LRRC8A: variants seen among roughly 807,000 people sequenced by gnomAD.
The protein encoded by LRRC8A is volume-regulated anion channel subunit LRRC8A.
In LRRC8A, 24 loss-of-function variants were observed where a neutral mutation model predicts 52.5. That is an observed-to-expected ratio of 0.46 (90% CI 0.33 to 0.64). The LOEUF is 0.64. LRRC8A is among the 30% of genes least tolerant of loss of function. LRRC8A has a pLI of 0.02. For synonymous variants in LRRC8A, 492 were observed against 494.2 expected, an observed-to-expected ratio of 1.00 and a Z score of 0.06; for missense variants, 677 against 1,094.7, an observed-to-expected ratio of 0.62 and a Z score of 5.38.
chr9:128,883,113 G>T (rs187225492), intron 1 of LRRC8A, among the ~76,000 whole-genome samples: 32 of 152,290 alleles, frequency 2.1e-4, no homozygotes, highest in Admixed American at 1.4e-3. Context: ...TCTGGTAGCC[G>T]CCTCCTGATG....
intron 2 of LRRC8A, among the ~76,000 whole-genome samples, chr9:128,906,498 T>G (rs1474189073): frequency 6.6e-6 from 1 of 152,032 alleles, no homozygotes; most frequent in African/African-American, 2.4e-5. Flanking sequence ...AATTTTTGTA[T>G]TTTTAGTAGA....
intron 3 of LRRC8A, among the ~76,000 whole-genome samples, chr9:128,915,863 A>G (rs1276373987): frequency 6.6e-6 from 1 of 152,176 alleles, no homozygotes; most frequent in Non-Finnish European, 1.5e-5. Context: ...GAGTGGGGAC[A>G]TGGGGGCCAT....
At chr9:128,891,527 C>T (rs1839618746) in intron 2 of LRRC8A, among the ~76,000 whole-genome samples, 1 of 152,218 alleles carries the variant, frequency 6.6e-6, no homozygotes, top group Admixed American at 6.5e-5. Flanking sequence ...CACCATTGTG[C>T]TCCAGCCTCG....
chr9:128,882,538 C>G, intron 1 of LRRC8A: 2 of 396,416 alleles, frequency 5.0e-6, no homozygotes, highest in East Asian at 3.6e-5. Context: ...CTCGGCTCCC[C>G]CATGTCCCCT....
intron 2 of LRRC8A, among the ~76,000 whole-genome samples, 164 bp downstream of exon 2, chr9:128,886,285 T>C (rs1401688066): frequency 6.6e-6 from 1 of 152,124 alleles, no homozygotes; most frequent in East Asian, 1.9e-4. Context: ...TCTTCCTCCT[T>C]CTCCCGCTGA....
At chr9:128,909,429 A>C in intron 3 of LRRC8A, 108 bp downstream of exon 3, 2 of 1,075,638 alleles carry the variant, frequency 1.9e-6, no homozygotes, top group Non-Finnish European at 1.4e-6. Flanking sequence ...GATGCCCCTG[A>C]GTGTGGAGTC....
intron 2 of LRRC8A, among the ~76,000 whole-genome samples, chr9:128,889,840 T>C (rs1184808405): frequency 2.6e-5 from 4 of 151,872 alleles, no homozygotes; most frequent in Admixed American, 6.6e-5. Context: ...TCCTGCTCTG[T>C]TGCCCAGACT....
chr9:128,903,266 C>A (rs1220226774), intron 2 of LRRC8A, among the ~76,000 whole-genome samples: 1 of 152,196 alleles, frequency 6.6e-6, no homozygotes, highest in Non-Finnish European at 1.5e-5. Flanking sequence ...TCAGCACTGG[C>A]TGTGGCCATC....
chr9:128,887,683 C>T (rs971386135), intron 2 of LRRC8A, among the ~76,000 whole-genome samples: 1 of 151,808 alleles, frequency 6.6e-6, no homozygotes, highest in Admixed American at 6.6e-5. Context: ...TCTTTGTCAC[C>T]CAGGCTGGAG....
At chr9:128,884,049 G>T (rs375525345) in intron 1 of LRRC8A, among the ~76,000 whole-genome samples, 8 of 152,056 alleles carry the variant, frequency 5.3e-5, no homozygotes, top group Admixed American at 2.0e-4. Context: ...GACTAGATGT[G>T]GTGGTTCTCC....
chr9:128,908,742 C>T lies in LRRC8A; in HGVS notation c.1578C>T (p.Asn526=). 2 of 1,613,234 alleles carry T rather than the reference C, an allele frequency of 1.2e-6. No homozygotes were observed. Among genetic ancestry groups the T allele is most frequent in the Non-Finnish European group, 1.7e-6 (2 of 1,180,044 alleles). Residue 526 remains asparagine (N), a synonymous_variant, in exon 3 of 4, where the codon AAC becomes AAT. Transcript: ENST00000372600. ...TGGAGGAGCTGCACCTGACGGGCAA[C>T]CTGAGCGCGGAGAACAACCGCTACA... is the stretch of plus-strand genomic sequence containing the variant. ...KTLEELHLTG[N]LSAENNRYIV... is the part of the protein sequence containing the mutation.
At chr9:128,895,565 G>A (rs1284222520) in intron 2 of LRRC8A, among the ~76,000 whole-genome samples, 1 of 152,204 alleles carries the variant, frequency 6.6e-6, no homozygotes, top group African/African-American at 2.4e-5. Flanking sequence ...AGATGCCCTG[G>A]CCCTGGCCAG....
At chr9:128,884,252 G>A (rs1469910681) in intron 1 of LRRC8A, among the ~76,000 whole-genome samples, 1 of 152,164 alleles carries the variant, frequency 6.6e-6, no homozygotes, top group African/African-American at 2.4e-5. Flanking sequence ...GTTCCTGACT[G>A]CCTCGTCTTA....
chr9:128,897,564 G>A (rs116779989), intron 2 of LRRC8A, among the ~76,000 whole-genome samples: 6,081 of 151,294 alleles, frequency 0.04, 138 homozygotes, highest in Middle Eastern at 0.075. Flanking sequence ...TTTTTTTTTT[G>A]AGACAGTTTT....
At chr9:128,895,988 C>T (rs1019138174) in intron 2 of LRRC8A, among the ~76,000 whole-genome samples, 1 of 152,246 alleles carries the variant, frequency 6.6e-6, no homozygotes, top group African/African-American at 2.4e-5. Flanking sequence ...CAGATACACA[C>T]ATGCACGCAC....
chr9:128,882,874 G>T (rs796458068), intron 1 of LRRC8A: 22 of 398,404 alleles, frequency 5.5e-5, no homozygotes, highest in African/African-American at 4.3e-4. Context: ...AGGGCGAGGC[G>T]AGATCCAGTG....
rs112752153 is a variant in LRRC8A at position 128,902,028 on chromosome 9, AG to A, written c.-8-5125del. ...CCCCTCCAGACAGGTTACCCTTACC[AG>A]GGGTAGGCCCAGGCACCAGCCGGGC... is the stretch of plus-strand genomic sequence containing the variant. On this transcript the variant is annotated intron_variant, in intron 2 of 3. Transcript: ENST00000372600. This position sits in a 1 kb window ranked among gnomAD's most constrained non-coding sequence, Gnocchi z 4.1. Among the ~76,000 whole-genome samples, 12,720 of 152,262 alleles carry A rather than the reference AG, an allele frequency of 0.084. 824 individuals carry two copies. The highest frequency in any genetic ancestry group is 0.18 in the African/African-American group (7,466 of 41,550).
chr9:128,904,732 C>T (rs1347222419), intron 2 of LRRC8A, among the ~76,000 whole-genome samples: 1 of 152,018 alleles, frequency 6.6e-6, no homozygotes, highest in Non-Finnish European at 1.5e-5. Context: ...TGGTGGTTCA[C>T]ACCTGTAATC....
Position 128,908,384 on chromosome 9 carries a change from T to G in LRRC8A, c.1220T>G (p.Leu407Arg), listed in dbSNP as rs1413156046. 1 of 1,613,794 alleles carries G rather than the reference T, an allele frequency of 6.2e-7. No homozygotes were observed. The highest frequency in any genetic ancestry group is 8.5e-7 in the Non-Finnish European group (1 of 1,180,018). The change falls in exon 3 of 4, where the codon CTC (leucine) becomes CGC (arginine). Residue 407 changes from leucine to arginine, a missense_variant. By Grantham distance (102) the Leu-to-Arg change is moderately radical (BLOSUM62 -2). Transcript: ENST00000372600. ...GAGAACAAGCTGCGGCAGCTGAACCTCAACAACGAGTGGACGCTGGACAAG... is the reference window on the plus strand; with the variant it reads ...GAGAACAAGCTGCGGCAGCTGAACCGCAACAACGAGTGGACGCTGGACAAG... ...VSENKLRQLNLNNEWTLDKLR... is the reference protein window; with the variant it reads ...VSENKLRQLNRNNEWTLDKLR...
Sources: allele counts gnomAD v4.1 joint callset (sites outside exome capture counted in the v4.1 genomes callset), GRCh38; gene constraint gnomAD v4.1.1; non-coding constraint Gnocchi (gnomAD v3.1); transcripts MANE v1.5; gene names NCBI Gene and HGNC (gene_info 2026-07-23, HGNC 2026-07-21).